CDH8: variants seen among roughly 807,000 people sequenced by gnomAD.
CDH8 encodes cadherin 8, also known as cadherin-8.
CDH8 carries 17 observed loss-of-function variants against 68.1 expected under a neutral mutation model. That is an observed-to-expected ratio of 0.25 (90% CI 0.17 to 0.37). The LOEUF (loss-of-function observed/expected upper bound fraction) is 0.37. CDH8 is among the 10% of genes least tolerant of loss of function. CDH8 has a pLI of 1.00. For synonymous variants in CDH8, 372 were observed against 365.1 expected (o/e 1.02, Z -0.21); for missense variants, 763 against 999.3 (o/e 0.76, Z 3.19).
At chr16:61,667,820 A>T (rs944635748) in intron 10 of CDH8, 5 of 152,076 alleles carry the variant, frequency 3.3e-5, no homozygotes, top group African/African-American at 1.2e-4. Flanking sequence ...CATTTTACTT[A>T]TGAGGAACAA....
intron 8 of CDH8, among the ~76,000 whole-genome samples, chr16:61,771,842 T>G (rs1960786579): frequency 6.6e-6 from 1 of 151,982 alleles, no homozygotes; most frequent in South Asian, 2.1e-4. Flanking sequence ...AAGCAGGTAA[T>G]TTTTAAGGAA....
At chr16:61,820,314 G>GTTTTTTTTT (rs545670875) in intron 6 of CDH8, among the ~76,000 whole-genome samples, 31 of 90,776 alleles carry the variant, frequency 3.4e-4, no homozygotes, top group East Asian at 7.6e-4. Context: ...TGCCTGTTTG[G>GTTTTTTTTT]TTTTTTTTTT....
At chr16:61,921,116 A>C (rs1190558816) in intron 2 of CDH8, among the ~76,000 whole-genome samples, 1 of 73,228 alleles carries the variant, frequency 1.4e-5, no homozygotes, top group Admixed American at 2.0e-4. Flanking sequence ...GGGTGGGGGG[A>C]GGGGGGAGGG....
rs372750884 is a variant in CDH8 at position 61,683,455 on chromosome 16, A to T, written c.1655-27734T>A. On this transcript the variant is annotated intron_variant, in intron 10 of 11. Coordinates refer to ENST00000577390, the MANE Select transcript of CDH8 (RefSeq NM_001796.5). ...TGTGTAGATTCCCTAATACAGTGCC[A>T]TACTTGTAGAAGTCATTGAAGCATA... Among the ~76,000 whole-genome samples the T allele has an allele frequency of 1.7e-4, 25 of 151,194 alleles. No individual in the cohort carries two copies. In the East Asian group the frequency reaches 1.8e-3, roughly 11 times the overall value.
chr16:61,980,316 T>C (rs1425208737), intron 2 of CDH8, among the ~76,000 whole-genome samples: 1 of 152,204 alleles, frequency 6.6e-6, no homozygotes, highest in Non-Finnish European at 1.5e-5. Flanking sequence ...CAGCACAATG[T>C]GAATGGTGAA....
At position 61,857,036 on chromosome 16, in the gene CDH8, A is replaced by G. The variant is rs1265603655; in HGVS notation, c.667+83T>C. 7.3e-6 allele frequency: 11 copies of G among 1,510,628 alleles called. No individual in the cohort carries two copies. The East Asian group carries it at 2.0e-4, about 28-fold the overall frequency. 93.6% of individuals were successfully genotyped at this position (1,510,628 alleles called of 1,614,324 possible). A position where few individuals can be genotyped will look rare whatever the true frequency, so the allele number is the denominator to read the frequency against. The stretch of plus-strand genomic sequence containing the variant: ...GCAGGCAGTGAAGTACTTACACATA[A>G]TATTTCATAACCCAAATCCCAAGAA... On this transcript the variant is annotated intron_variant, in intron 4 of 11. Coordinates refer to ENST00000577390, the MANE Select transcript of CDH8 (RefSeq NM_001796.5).
chr16:61,952,279 A>G (rs938301840), intron 2 of CDH8, among the ~76,000 whole-genome samples: 1 of 152,234 alleles, frequency 6.6e-6, no homozygotes. Flanking sequence ...TAATTCAAAA[A>G]TAAATATATT....
intron 2 of CDH8, among the ~76,000 whole-genome samples, chr16:62,005,321 T>A (rs1693853585): frequency 6.6e-6 from 1 of 152,210 alleles, no homozygotes; most frequent in African/African-American, 2.4e-5. Context: ...TGTGGTTTCC[T>A]GGCCTGCGTT....
At position 61,788,070 on chromosome 16, in the gene CDH8, C is replaced by T. The variant is rs573137579; in HGVS notation, c.1414+1276G>A. Among the ~76,000 whole-genome samples the T allele has an allele frequency of 2.7e-5, 4 of 150,780 alleles. No individual in the cohort carries two copies. In the South Asian group the frequency reaches 8.4e-4, roughly 32 times the overall value. On this transcript the variant is annotated intron_variant, in intron 8 of 11. Transcript: ENST00000577390. ...AACCTGCACAATGTGCACATGTACC[C>T]TAAAACTTAAAGTATAATAAAAAAA... is the stretch of plus-strand genomic sequence containing the variant.
At chr16:61,733,308 T>A (rs1959585787) in intron 8 of CDH8, among the ~76,000 whole-genome samples, 1 of 151,936 alleles carries the variant, frequency 6.6e-6, no homozygotes, top group African/African-American at 2.4e-5. Flanking sequence ...TGTATGTTTG[T>A]ATACAAATAC....
chr16:61,775,888 T>C (rs945849303), intron 8 of CDH8, among the ~76,000 whole-genome samples: 3 of 152,122 alleles, frequency 2.0e-5, no homozygotes, highest in African/African-American at 7.2e-5. Flanking sequence ...AAACATTATG[T>C]TAAGTCACCA....
At chr16:61,982,178 A>G (rs1181871834) in intron 2 of CDH8, among the ~76,000 whole-genome samples, 1 of 152,160 alleles carries the variant, frequency 6.6e-6, no homozygotes, top group African/African-American at 2.4e-5. Context: ...TTCCCTGAGC[A>G]AGAAACAGAA....
At chr16:61,723,093 A>G (rs984588168) in intron 9 of CDH8, among the ~76,000 whole-genome samples, 1 of 150,782 alleles carries the variant, frequency 6.6e-6, no homozygotes, top group Non-Finnish European at 1.5e-5. Flanking sequence ...AAAATATTCA[A>G]TTCAGTCCCT....
At chr16:61,951,512 C>CAAAAAA (rs574416496) in intron 2 of CDH8, among the ~76,000 whole-genome samples, 3 of 72,920 alleles carry the variant, frequency 4.1e-5, no homozygotes, top group South Asian at 4.9e-4. Context: ...GACTCCGTCT[C>CAAAAAA]AAAAAAAAAA....
chr16:61,929,154 C>G (rs1964501372), intron 2 of CDH8, among the ~76,000 whole-genome samples: 1 of 152,158 alleles, frequency 6.6e-6, no homozygotes, highest in Admixed American at 6.5e-5. Context: ...CATGATCTGC[C>G]CGCTTCAGCC....
chr16:61,768,302 G>C (rs1203335996), intron 8 of CDH8, among the ~76,000 whole-genome samples: 3 of 94,542 alleles, frequency 3.2e-5, no homozygotes, highest in Admixed American at 1.1e-4. Context: ...CTCTCTCTCT[G>C]TGTCTCTCCC....
intron 7 of CDH8, among the ~76,000 whole-genome samples, chr16:61,800,663 C>A (rs560616636): frequency 6.6e-6 from 1 of 152,258 alleles, no homozygotes; most frequent in South Asian, 2.1e-4. Flanking sequence ...CAGCTAGACC[C>A]GTCCCATTCC....
In CDH8 at chr16:61,968,717, A is replaced by G. The variant is rs144336104; in HGVS notation, c.252+52435T>C. On this transcript the variant is annotated intron_variant, in intron 2 of 11. Coordinates refer to ENST00000577390, the MANE Select transcript of CDH8 (RefSeq NM_001796.5). ...ACTGGATTCATAAATTCATGCTGTT[A>G]AAAACCTGTTTCTGTCAGGGTTGGC... is the stretch of plus-strand genomic sequence containing the variant. 4.5e-4 allele frequency among the ~76,000 whole-genome samples: 68 copies of G among 152,362 alleles called. No homozygotes were observed. In the East Asian group the frequency reaches 0.01, roughly 23 times the overall value.
At chr16:61,913,030 T>C (rs1229311530) in intron 2 of CDH8, among the ~76,000 whole-genome samples, 1 of 152,172 alleles carries the variant, frequency 6.6e-6, no homozygotes, top group Non-Finnish European at 1.5e-5. Context: ...CTATTGGGTA[T>C]GATAAGTACA....
Sources: gnomAD v4.1 joint callset for allele counts (sites outside exome capture counted in the v4.1 genomes callset) on GRCh38, gnomAD v4.1.1 for gene constraint, MANE v1.5 for transcripts, NCBI Gene and HGNC (gene_info 2026-07-23, HGNC 2026-07-21) for gene names.